Variants in MUC17 observed in about 807,000 individuals in gnomAD.
MUC17 encodes mucin-17.
Under a neutral mutation model 170.3 loss-of-function variants are expected in MUC17, and 190 were observed. That is an observed-to-expected ratio of 1.12 (90% CI 0.99 to 1.26). MUC17 has a LOEUF of 1.26. Among genes scored for constraint, MUC17 ranks in the 50% most tolerant of loss-of-function variants. The pLI is 0.00. For missense variants in MUC17, 6,415 were observed against 5,530.0 expected (o/e 1.16, Z -5.08); for synonymous variants, 2,325 against 2,002.5 (o/e 1.16, Z -4.30).
chr7:101,057,249 C>T (rs1795062022), intron 12 of MUC17, among the ~76,000 whole-genome samples: 1 of 152,170 alleles, frequency 6.6e-6, no homozygotes. Flanking sequence ...TTGATCACTG[C>T]TTTAATATGA....
Position 101,035,031 on chromosome 7 carries a change from A to C in MUC17, c.3615A>C (p.Glu1205Asp). Residue 1205 changes from glutamate (E) to aspartate (D), a missense_variant, in exon 3 of 13, where the codon GAA becomes GAC. Glu to Asp is a conservative substitution (Grantham distance 45, BLOSUM62 2). Coordinates refer to ENST00000306151, the MANE Select transcript of MUC17 (RefSeq NM_001040105.2). ...TEASSPPPTA[E>D]VTSMPTSTPG... Reference sequence around the variant, plus strand: ...CCAGTTCACCTCCTCCAACTGCTGAAGTTACCAGCATGCCAACCTCAACTC... The same window carrying C: ...CCAGTTCACCTCCTCCAACTGCTGACGTTACCAGCATGCCAACCTCAACTC... 2 of 1,613,714 alleles carry C rather than the reference A, an allele frequency of 1.2e-6. No individual in the cohort carries two copies. Among genetic ancestry groups the C allele is most frequent in the South Asian group, 2.2e-5 (2 of 91,068 alleles).
intron 7 of MUC17, among the ~76,000 whole-genome samples, chr7:101,051,362 C>CT (rs1794938642): frequency 1.7e-5 from 1 of 57,744 alleles, no homozygotes; most frequent in African/African-American, 6.7e-5. Context: ...AATACTCCAT[C>CT]TCAAAAAAAA....
At position 101,057,995 on chromosome 7, in the gene MUC17, C is replaced by G. The variant is rs1795077598; in HGVS notation, c.13441-8C>G. On this transcript the variant is annotated splice_polypyrimidine_tract_variant and splice_region_variant and intron_variant, in intron 12 of 12. Transcript: ENST00000306151. ...TGAGCCCTCACTTGGTTTTATCTCT[C>G]TTTTCAGATCCGAATTCAGAGGCCT... 4 of 1,613,818 alleles carry G rather than the reference C, an allele frequency of 2.5e-6. No individual in the cohort carries two copies. The highest frequency in any genetic ancestry group is 2.7e-5 in the African/African-American group (2 of 75,044).
intron 1 of MUC17, among the ~76,000 whole-genome samples, chr7:101,030,747 T>A (rs1302967528): frequency 6.6e-6 from 1 of 151,718 alleles, no homozygotes; most frequent in Non-Finnish European, 1.5e-5. Context: ...TTTTATAAAA[T>A]TTTGTAGAGA....
In MUC17 at chr7:101,056,210, C is replaced by T. The variant is rs375037610; in HGVS notation, c.13380C>T (p.His4460=). 54 of 1,613,904 alleles carry T rather than the reference C, an allele frequency of 3.3e-5. No homozygotes were observed. Among genetic ancestry groups the T allele is most frequent in the Non-Finnish European group, 4.4e-5 (52 of 1,179,924 alleles). ...FDICQDDDSI[H]LESIYSNFQP... Reference sequence around the variant, plus strand: ...CTCCACAAGATGATGATTCCATCCACCTGGAGTCCATCTATAGTAATTTCC... The same window carrying T: ...CTCCACAAGATGATGATTCCATCCATCTGGAGTCCATCTATAGTAATTTCC... The change falls in exon 12 of 13, where the codon CAC becomes CAT. Residue 4460 remains histidine (H), a synonymous_variant. Transcript: ENST00000306151.
At chr7:101,025,317 T>G (rs113880054) in intron 1 of MUC17, among the ~76,000 whole-genome samples, 2,263 of 150,940 alleles carry the variant, frequency 0.015, 68 homozygotes, top group African/African-American at 0.052. Flanking sequence ...AAGCCATGTT[T>G]GCACCACTGC....
chr7:101,053,216 C>A, intron 10 of MUC17, 69 bp downstream of exon 10: 1 of 1,589,792 alleles, frequency 6.3e-7, no homozygotes, highest in Non-Finnish European at 8.6e-7. Context: ...AACCCTCTGT[C>A]TCTAATCACT....
At position 101,037,719 on chromosome 7, in the gene MUC17, T is replaced by G. The variant is rs1188443763; in HGVS notation, c.6303T>G (p.Ser2101Arg). 1.9e-6 allele frequency: 3 copies of G among 1,607,358 alleles called. No individual in the cohort carries two copies. The highest frequency in any genetic ancestry group is 2.5e-6 in the Non-Finnish European group (3 of 1,178,010). Residue 2101 changes from serine to arginine, a missense_variant, in exon 3 of 13, where the codon AGT (serine) becomes AGG (arginine). Coordinates refer to ENST00000306151, the MANE Select transcript of MUC17 (RefSeq NM_001040105.2). ...CAATCTCAGCTCCTAGTGAAGGAAGTCCTCTACTAACAAGTATACCTCTCA... is the reference window on the plus strand; with the variant it reads ...CAATCTCAGCTCCTAGTGAAGGAAGGCCTCTACTAACAAGTATACCTCTCA... The part of the protein sequence containing the change: ...SMTISAPSEG[S>R]PLLTSIPLST...
rs199804993 is a variant in MUC17, at chr7:101,038,128, A to G, written c.6712A>G (p.Ser2238Gly). ...CATGCCGGTAGTTACTTCTGAGGCT[A>G]GCACCCTTTCAGCAACTCCTGTTGA... ...STMPVVTSEA[S>G]TLSATPVDTS... Residue 2238 changes from serine to glycine, a missense_variant, in exon 3 of 13, where the codon AGC becomes GGC. Transcript: ENST00000306151. The G allele has an allele frequency of 1.0e-4, 167 of 1,594,832 alleles. No individual in the cohort carries two copies. The highest frequency in any genetic ancestry group is 1.2e-4 in the Non-Finnish European group (141 of 1,170,294).
intron 11 of MUC17, 64 bp downstream of exon 11, chr7:101,053,500 G>T (rs556524485): frequency 1.6e-6 from 2 of 1,289,838 alleles, no homozygotes; most frequent in Non-Finnish European, 2.2e-6. Flanking sequence ...GGTGCGGTGG[G>T]CTCACATCTG....
Position 101,043,624 on chromosome 7 carries a change from C to G in MUC17, c.12208C>G (p.His4070Asp), listed in dbSNP as rs769756887. The G allele has an allele frequency of 5.6e-6, 9 of 1,614,182 alleles. No homozygotes were observed. Among genetic ancestry groups the G allele is most frequent in the Non-Finnish European group, 7.6e-6 (9 of 1,180,032 alleles). The change falls in exon 3 of 13, where the codon CAC (histidine) becomes GAC (aspartate). Residue 4070 changes from histidine to aspartate, a missense_variant. Coordinates refer to ENST00000306151, the MANE Select transcript of MUC17 (RefSeq NM_001040105.2). The stretch of plus-strand genomic sequence containing the variant: ...CATCCCACCTACATTTCCTCCTGCT[C>G]ACTCCAGTACACCTCCAACAACCTC... ...HTIPPTFPPA[H>D]SSTPPTTSAS...
In MUC17 at chr7:101,051,910, A is replaced by G; in HGVS notation, c.13051A>G (p.Lys4351Glu). ...CTGTGAGCCTGGCTTCAGTGTCTCCAAGAACTGTAACCTCGGCAAGTGCCA... is the reference window on the plus strand; with the variant it reads ...CTGTGAGCCTGGCTTCAGTGTCTCCGAGAACTGTAACCTCGGCAAGTGCCA... ...SPCEPGFSVSKNCNLGKCQMS... is the reference protein window; with the variant it reads ...SPCEPGFSVSENCNLGKCQMS... The change falls in exon 9 of 13, where the codon AAG (lysine) becomes GAG (glutamate). Residue 4351 changes from lysine to glutamate, a missense_variant. Physicochemically the swap from Lys to Glu is moderately conservative, Grantham distance 56. Coordinates refer to ENST00000306151, the MANE Select transcript of MUC17 (RefSeq NM_001040105.2). 6.2e-7 allele frequency: 1 copy of G among 1,614,142 alleles called. No individual in the cohort carries two copies. Among genetic ancestry groups the G allele is most frequent in the Non-Finnish European group, 8.5e-7 (1 of 1,179,986 alleles).
chr7:101,037,585 G>T lies in MUC17; in HGVS notation c.6169G>T (p.Val2057Phe). 6.2e-7 allele frequency: 1 copy of T among 1,613,828 alleles called. No homozygotes were observed. Among genetic ancestry groups the T allele is most frequent in the Non-Finnish European group, 8.5e-7 (1 of 1,179,840 alleles). The change falls in exon 3 of 13, where the codon GTC becomes TTC. Residue 2057 changes from valine (V) to phenylalanine (F), a missense_variant. Transcript: ENST00000306151. ...AGMPVSTTLV[V>F]SSEGNTLSTT... ...TATGCCTGTCAGCACTACGCTTGTG[G>T]TCAGTTCTGAGGGTAACACCCTTTC...
intron 9 of MUC17, 148 bp downstream of exon 9, chr7:101,052,110 G>T: frequency 1.0e-6 from 1 of 978,728 alleles, no homozygotes; most frequent in Non-Finnish European, 1.5e-6. Flanking sequence ...CAGAGGAATT[G>T]GGTTGGGGAT....
rs746344952 is a variant in MUC17, at chr7:101,058,035, A to G, written c.13473A>G (p.Thr4491=). 1.9e-6 allele frequency: 3 copies of G among 1,613,998 alleles called. No individual in the cohort carries two copies. Among genetic ancestry groups the G allele is most frequent in the South Asian group, 1.1e-5 (1 of 91,076 alleles). ...TTCAGAGGCCTCAGGTAATGACGAC[A>G]TCATTTTAAGGCATGGAGCTGAGAA... is the stretch of plus-strand genomic sequence containing the variant. ...IRIQRPQVMT[T]SF Residue 4491 remains threonine, a synonymous_variant, in exon 13 of 13, where the codon ACA becomes ACG. Transcript: ENST00000306151.
At position 101,031,185 on chromosome 7, in the gene MUC17, C is replaced by G. The variant is rs201971170; in HGVS notation, c.148C>G (p.Arg50Gly). Residue 50 changes from arginine (R) to glycine (G), a missense_variant, in exon 2 of 13, where the codon CGT (arginine) becomes GGT (glycine). Physicochemically the swap from Arg to Gly is moderately radical, Grantham distance 125. Transcript: ENST00000306151. ...GCISQGDVLN[R>G]QCQQLSQHVR... ...CATCTCCCAAGGGGACGTCTTGAAC[C>G]GTCAGTGCCAGCAGCTGTCTCAGCA... 2 of 1,613,652 alleles carry G rather than the reference C, an allele frequency of 1.2e-6. No homozygotes were observed. The highest frequency in any genetic ancestry group is 2.7e-5 in the African/African-American group (2 of 74,908).
intron 7 of MUC17, 148 bp downstream of exon 7, chr7:101,050,783 C>G: frequency 8.3e-7 from 1 of 1,210,174 alleles, no homozygotes; most frequent in Non-Finnish European, 1.1e-6. Flanking sequence ...GGTTGCAGCG[C>G]AAAGAAGCCC....
intron 3 of MUC17, 68 bp from the exon 4 acceptor site, chr7:101,047,916 C>T (rs914553079): frequency 1.5e-4 from 221 of 1,504,458 alleles, no homozygotes; most frequent in Non-Finnish European, 1.8e-4. Flanking sequence ...ACAGTAGATC[C>T]CTGCTCCTTC....
chr7:101,031,794 C>A lies in MUC17; in HGVS notation c.378C>A (p.Thr126=), dbSNP rs1023233712. Residue 126 remains threonine (T), a synonymous_variant, in exon 3 of 13, where the codon ACC becomes ACA. Transcript: ENST00000306151. ...CTTCAGAATCTACCAGTGACAGCAC[C>A]ACACTTTTCCCCAGTTCTACTGAAG... is the stretch of plus-strand genomic sequence containing the variant. ...RTTSESTSDS[T]TLFPSSTEDT... is the part of the protein sequence containing the mutation. 3.7e-6 allele frequency: 6 copies of A among 1,609,252 alleles called. No homozygotes were observed. Among genetic ancestry groups the A allele is most frequent in the Non-Finnish European group, 5.1e-6 (6 of 1,175,724 alleles).
Sources: allele counts gnomAD v4.1 joint callset (sites outside exome capture counted in the v4.1 genomes callset), GRCh38; gene constraint gnomAD v4.1.1; transcripts MANE v1.5; gene names NCBI Gene and HGNC (gene_info 2026-07-23, HGNC 2026-07-21).